MUC4: variants seen among roughly 807,000 people sequenced by gnomAD.
The protein encoded by MUC4 is mucin-4.
A neutral mutation model predicts 257.9 loss-of-function variants in MUC4; 202 were observed. That is an observed-to-expected ratio of 0.78 (90% CI 0.70 to 0.88). MUC4 has a LOEUF of 0.88. MUC4 is among the 40% of genes least tolerant of loss of function. The probability of loss-of-function intolerance (pLI) is 0.00; values close to 1 mark genes in which losing one functional copy is unlikely to be tolerated. For missense variants in MUC4, 5,976 were observed against 6,513.7 expected, an observed-to-expected ratio of 0.92 and a Z score of 2.84; for synonymous variants, 2,351 against 2,757.1, an observed-to-expected ratio of 0.85 and a Z score of 4.62.
Position 195,779,099 on chromosome 3 carries a change from G to A in MUC4, c.12481C>T (p.Leu4161Phe), listed in dbSNP as rs768765166. ...ACTGAGGAAGCGTCGGTGACAGGAA[G>A]AGAGGTGGTGTGACCTGAGGATGCT... ...SSASSGHTTS[L>F]PVTDASSVST... The change falls in exon 2 of 25, where the codon CTT becomes TTT. Residue 4161 changes from leucine (L) to phenylalanine (F), a missense_variant. Transcript: ENST00000463781. 18 of 1,502,118 alleles carry A rather than the reference G, an allele frequency of 1.2e-5. 3 individuals carry two copies. The highest frequency in any genetic ancestry group is 1.6e-5 in the Non-Finnish European group (18 of 1,119,240). 93.0% of individuals were successfully genotyped at this position (1,502,118 alleles called of 1,614,324 possible).
intron 20 of MUC4, 46 bp downstream of exon 20, chr3:195,753,005 G>A (rs1716783007): frequency 1.3e-6 from 2 of 1,534,978 alleles, no homozygotes; most frequent in Non-Finnish European, 1.8e-6. Context: ...AGAGGGTGGG[G>A]CCCAGGAAGA....
At chr3:195,811,089 C>T (rs1337190691) in intron 1 of MUC4, among the ~76,000 whole-genome samples, 2 of 151,890 alleles carry the variant, frequency 1.3e-5, no homozygotes, top group South Asian at 2.1e-4. Flanking sequence ...CCGTATCTGC[C>T]AGTTCATGCC....
chr3:195,748,776 C>G, intron 24 of MUC4, 126 bp downstream of exon 24: 1 of 1,278,912 alleles, frequency 7.8e-7, no homozygotes, highest in Non-Finnish European at 1.0e-6. Flanking sequence ...CTCTCCTTTT[C>G]CACTGTCCTC....
Position 195,751,188 on chromosome 3 carries a change from G to T in MUC4, c.15647+19C>A. The T allele has an allele frequency of 6.3e-7, 1 of 1,582,042 alleles. No individual in the cohort carries two copies. ...TGAGGAAGAGATCTGGGGGCTTAGGGGGACACAGTCCCACTTACATTCGTT... is the reference window on the plus strand; with the variant it reads ...TGAGGAAGAGATCTGGGGGCTTAGGTGGACACAGTCCCACTTACATTCGTT... On this transcript the variant is annotated intron_variant, in intron 22 of 24. Coordinates refer to ENST00000463781, the MANE Select transcript of MUC4 (RefSeq NM_018406.7).
chr3:195,808,973 C>T (rs1260846588), intron 1 of MUC4, among the ~76,000 whole-genome samples: 1 of 152,202 alleles, frequency 6.6e-6, no homozygotes, highest in Non-Finnish European at 1.5e-5. Context: ...CCTGCCTGCC[C>T]TGCACTTGCT....
chr3:195,776,072 T>A lies in MUC4; in HGVS notation c.12944-1767A>T, dbSNP rs371925662. Among the ~76,000 whole-genome samples, 75 of 7,684 alleles carry A rather than the reference T, an allele frequency of 9.8e-3. 1 individual carries two copies. Among genetic ancestry groups the A allele is most frequent in the East Asian group, 0.045 (1 of 22 alleles). 5.0% of individuals were successfully genotyped at this position (7,684 alleles called of 152,430 possible). On this transcript the variant is annotated intron_variant, in intron 3 of 24. Coordinates refer to ENST00000463781, the MANE Select transcript of MUC4 (RefSeq NM_018406.7). ...TTCCACACCCATACCTTCCACACCC[T>A]TACCTTCCACACCCATACCTTCCAC...
chr3:195,760,797 T>C (rs1374121184), intron 16 of MUC4, 87 bp downstream of exon 16: 1 of 1,091,820 alleles, frequency 9.2e-7, no homozygotes, highest in Non-Finnish European at 1.4e-6. Flanking sequence ...TGAATGCAGA[T>C]GCACAGGGAA....
In MUC4 at chr3:195,780,279, G is replaced by C. The variant is rs1351491483; in HGVS notation, c.11301C>G (p.Ser3767=). The C allele has an allele frequency of 1.2e-5, 18 of 1,530,370 alleles. No individual in the cohort carries two copies. Among genetic ancestry groups the C allele is most frequent in the Admixed American group, 2.0e-5 (1 of 50,250 alleles). 94.8% of individuals were successfully genotyped at this position (1,530,370 alleles called of 1,614,324 possible). ...GCGTGGCGTGACCTGTGGACACTGA[G>C]GAAGCGTCGGTGACAAGAAGAGGGG... is the stretch of plus-strand genomic sequence containing the variant. ...HATPLLVTDA[S]SVSTGHATPL... Residue 3767 remains serine, a synonymous_variant, in exon 2 of 25, where the codon TCC becomes TCG. Coordinates refer to ENST00000463781, the MANE Select transcript of MUC4 (RefSeq NM_018406.7).
chr3:195,771,609 C>T lies in MUC4; in HGVS notation c.13242+43G>A, dbSNP rs76237035. 2.5e-3 allele frequency: 3,949 copies of T among 1,596,106 alleles called. 79 individuals are homozygous for T. The African/African-American group carries it at 0.048, about 19-fold the overall frequency. ...CCACACAGCTCTTTGTCTCCCCTGC[C>T]AGCTGCTGGGGGATCCTGACTGCCA... On this transcript the variant is annotated intron_variant, in intron 5 of 24. Coordinates refer to ENST00000463781, the MANE Select transcript of MUC4 (RefSeq NM_018406.7).
In MUC4 at chr3:195,790,770, T is replaced by G; in HGVS notation, c.810A>C (p.Thr270=). 6.2e-7 allele frequency: 1 copy of G among 1,613,980 alleles called. No homozygotes were observed. The highest frequency in any genetic ancestry group is 8.5e-7 in the Non-Finnish European group (1 of 1,179,886). The change falls in exon 2 of 25, where the codon ACA becomes ACC. Residue 270 remains threonine, a synonymous_variant. Transcript: ENST00000463781. Reference sequence around the variant, plus strand: ...CCCCTGGGTTTCCAAGAGTGGAGCCTGTGGAGGTTGTCACTGTTATCTTCT... The same window carrying G: ...CCCCTGGGTTTCCAAGAGTGGAGCCGGTGGAGGTTGTCACTGTTATCTTCT... The part of the protein sequence containing the change: ...TSEKITVTTS[T]GSTLGNPGET...
intron 20 of MUC4, 24 bp from the exon 21 acceptor site, chr3:195,752,470 A>G (rs1210558021): frequency 1.9e-6 from 3 of 1,599,758 alleles, no homozygotes; most frequent in African/African-American, 1.3e-5. Context: ...AAGCAAATGT[A>G]TCATCACCCC....
At chr3:195,801,462 C>T (rs1735302566) in intron 1 of MUC4, among the ~76,000 whole-genome samples, 1 of 151,948 alleles carries the variant, frequency 6.6e-6, no homozygotes, top group Admixed American at 6.6e-5. Flanking sequence ...CCCTCCTGCC[C>T]GGATGGCTCA....
rs751656541 is a variant in MUC4, at chr3:195,781,716, T to C, written c.9864A>G (p.Ser3288=). Residue 3288 remains serine, a synonymous_variant, in exon 2 of 25, where the codon TCA becomes TCG. Coordinates refer to ENST00000463781, the MANE Select transcript of MUC4 (RefSeq NM_018406.7). ...TTSLPVTDTS[S]SSTGDTTPLL... ...GAGGGGTGGTGTCACCTGTGGATGA[T>C]GAGGAAGTGTCGGTGACAGGAAGAG... 2.7e-6 allele frequency: 4 copies of C among 1,482,592 alleles called. 1 individual carries two copies. Among genetic ancestry groups the C allele is most frequent in the Non-Finnish European group, 3.6e-6 (4 of 1,111,588 alleles). The allele number at this position is 1,482,592 out of a possible 1,614,324, so 91.8% of individuals were successfully genotyped here.
intron 19 of MUC4, chr3:195,753,508 C>A: frequency 2.0e-6 from 1 of 503,206 alleles, no homozygotes; most frequent in Admixed American, 4.1e-5. Context: ...AGAGGAGGGG[C>A]CCCCAGCTGG....
rs1730716977 is a variant in MUC4, at chr3:195,784,941, G to T, written c.6639C>A (p.Ser2213Arg). Residue 2213 changes from serine to arginine, a missense_variant, in exon 2 of 25, where the codon AGC becomes AGA. Coordinates refer to ENST00000463781, the MANE Select transcript of MUC4 (RefSeq NM_018406.7). The part of the protein sequence containing the change: ...TGQATPLPVT[S>R]PSSASTGHAI... ...CGTGACCTGTGGATGCTGAGGAAGGGCTGGTGACAGGAAGAGGGGTGGCCT... is the reference window on the plus strand; with the variant it reads ...CGTGACCTGTGGATGCTGAGGAAGGTCTGGTGACAGGAAGAGGGGTGGCCT... The T allele has an allele frequency of 6.8e-7, 1 of 1,478,748 alleles. No individual in the cohort carries two copies. The highest frequency in any genetic ancestry group is 2.6e-5 in the East Asian group (1 of 38,548). The allele number at this position is 1,478,748 out of a possible 1,614,324, so 91.6% of individuals were successfully genotyped here.
At chr3:195,778,662 C>G (rs965537097) in intron 2 of MUC4, 128 bp downstream of exon 2, 2 of 1,292,132 alleles carry the variant, frequency 1.5e-6, no homozygotes, top group Admixed American at 4.8e-5. Flanking sequence ...CCATCACCTC[C>G]TCCCCTGTGG....
intron 1 of MUC4, among the ~76,000 whole-genome samples, chr3:195,799,260 T>TGTGTGAGA (rs1553889795): frequency 0.013 from 1,927 of 149,156 alleles, 17 homozygotes; most frequent in East Asian, 0.034. Flanking sequence ...TGTGTGTGTG[T>TGTGTGAGA]GACACTGTGT....
chr3:195,790,877 C>T lies in MUC4; in HGVS notation c.703G>A (p.Val235Ile), dbSNP rs200940013. The part of the protein sequence containing the change: ...SPSVHNVTGT[V>I]SQKTSPSGET... The stretch of plus-strand genomic sequence containing the variant: ...CCTGAAGGAGATGTCTTCTGAGAAA[C>T]AGTCCCTGTCACATTGTGTACACTT... Residue 235 changes from valine (V) to isoleucine (I), a missense_variant, in exon 2 of 25, where the codon GTT becomes ATT. Coordinates refer to ENST00000463781, the MANE Select transcript of MUC4 (RefSeq NM_018406.7). The T allele has an allele frequency of 1.3e-5, 21 of 1,613,840 alleles. No individual in the cohort carries two copies. In the African/African-American group the frequency reaches 2.3e-4, roughly 17 times the overall value.
At chr3:195,802,560 G>A (rs62282509) in intron 1 of MUC4, among the ~76,000 whole-genome samples, 33,082 of 152,068 alleles carry the variant, frequency 0.22, 4,168 homozygotes, top group African/African-American at 0.34. Context: ...GACTGGCATT[G>A]GTCCTGGGTG....
Sources: gnomAD v4.1 joint callset for allele counts (sites outside exome capture counted in the v4.1 genomes callset) on GRCh38, gnomAD v4.1.1 for gene constraint, MANE v1.5 for transcripts, NCBI Gene and HGNC (gene_info 2026-07-23, HGNC 2026-07-21) for gene names.